The following SMAD3 variants were observed in gnomAD, a reference collection of about 807,000 sequenced individuals.
SMAD3 encodes the protein MAD homolog 3.
SMAD3 carries 12 observed loss-of-function variants against 51.8 expected under a neutral mutation model. The ratio of observed to expected loss-of-function variants is 0.23; its 90% CI spans 0.15 to 0.38. The LOEUF (loss-of-function observed/expected upper bound fraction) is 0.38. SMAD3 is among the 10% of genes least tolerant of loss of function. SMAD3 has a pLI of 1.00. For synonymous variants in SMAD3, 238 were observed against 227.7 expected (o/e 1.05, Z -0.41); for missense variants, 294 against 565.6 (o/e 0.52, Z 4.87).
At chr15:67,086,401 A>G (rs1960395061) in intron 1 of SMAD3, among the ~76,000 whole-genome samples, 1 of 152,172 alleles carries the variant, frequency 6.6e-6, no homozygotes, top group Admixed American at 6.5e-5. Context: ...ATCTGATGGG[A>G]CACATCTCTC....
chr15:67,145,298 C>T (rs1961945639), intron 1 of SMAD3, among the ~76,000 whole-genome samples: 1 of 152,166 alleles, frequency 6.6e-6, no homozygotes, highest in Admixed American at 6.5e-5. Flanking sequence ...ACTTGGGAAA[C>T]CCAGGCACTG....
intron 5 of SMAD3, among the ~76,000 whole-genome samples, chr15:67,176,070 G>A (rs532813946): frequency 6.6e-6 from 1 of 152,318 alleles, no homozygotes; most frequent in African/African-American, 2.4e-5. Context: ...GGGCATGGGG[G>A]TCTCTGTGCA....
Position 67,194,590 on chromosome 15 carries a change from A to G in SMAD3, c.*4054A>G, listed in dbSNP as rs1963454436. 1 of 231,890 alleles carries G rather than the reference A, an allele frequency of 4.3e-6. No individual in the cohort carries two copies. The allele number at this position is 231,890 out of a possible 1,614,324, so 14.4% of individuals were successfully genotyped here. On this transcript the variant is annotated 3_prime_UTR_variant, in exon 9 of 9. Coordinates refer to ENST00000327367, the MANE Select transcript of SMAD3 (RefSeq NM_005902.4). ...CTTAAAACCATTCAGACAGATAACTATTTAATTTTTTTTAAGAAAGTTGGA... is the reference window on the plus strand; with the variant it reads ...CTTAAAACCATTCAGACAGATAACTGTTTAATTTTTTTTAAGAAAGTTGGA...
chr15:67,117,020 A>G (rs1179804543), intron 1 of SMAD3, among the ~76,000 whole-genome samples: 2 of 152,158 alleles, frequency 1.3e-5, no homozygotes, highest in African/African-American at 4.8e-5. Flanking sequence ...CCCAGTTCTC[A>G]TAGCTCCCGG....
rs34305009 is a variant in SMAD3, at chr15:67,118,860, C to T, written c.207-46035C>T. ...GTTGCCTAACTTTTCCTCTTTGTGT[C>T]CCTTGAGCTCAGGGACATGCATCCC... On this transcript the variant is annotated intron_variant, in intron 1 of 8. Transcript: ENST00000327367. Among the ~76,000 whole-genome samples the T allele has an allele frequency of 4.3e-3, 650 of 152,278 alleles. 9 individuals carry two copies. Among genetic ancestry groups the T allele is most frequent in the South Asian group, 0.031 (150 of 4,828 alleles).
Position 67,193,594 on chromosome 15 carries a change from TAGAGG to T in SMAD3, c.*3061_*3065del, listed in dbSNP as rs1364456886. On this transcript the variant is annotated 3_prime_UTR_variant, in exon 9 of 9. Transcript: ENST00000327367. ...TAGACCTGACATTTTGAGACAAGCC[TAGAGG>T]AGTCAGGAGCAGGGACTTTGACTCT... 3 of 88,496 alleles carry T rather than the reference TAGAGG, an allele frequency of 3.4e-5. No individual in the cohort carries two copies. Among genetic ancestry groups the T allele is most frequent in the Non-Finnish European group, 6.1e-5 (3 of 49,172 alleles). 5.5% of individuals were successfully genotyped at this position (88,496 alleles called of 1,614,324 possible).
chr15:67,126,056 C>A, intron 1 of SMAD3: 1 of 709,398 alleles, frequency 1.4e-6, no homozygotes, highest in Non-Finnish European at 1.7e-6. Context: ...AAACTGTATG[C>A]TCGACACACA....
intron 1 of SMAD3, among the ~76,000 whole-genome samples, chr15:67,069,393 A>C (rs535966771): frequency 5.4e-4 from 82 of 152,298 alleles, no homozygotes; most frequent in African/African-American, 1.8e-3. Flanking sequence ...AGCTGCAGGT[A>C]TCTTCCTTGC....
chr15:67,142,199 A>ACCCCCCCC (rs549870512), intron 1 of SMAD3, among the ~76,000 whole-genome samples: 14 of 127,976 alleles, frequency 1.1e-4, no homozygotes, highest in East Asian at 7.3e-4. Context: ...TCCTCCCCAC[A>ACCCCCCCC]CCCCCCCCAC....
intron 1 of SMAD3, among the ~76,000 whole-genome samples, chr15:67,067,210 A>G (rs1378986801): frequency 1.3e-5 from 2 of 152,146 alleles, no homozygotes; most frequent in Non-Finnish European, 2.9e-5. Context: ...GCATTCCTGT[A>G]GAGCCTTCCT....
intron 1 of SMAD3, among the ~76,000 whole-genome samples, chr15:67,151,895 G>A (rs1962156476): frequency 6.6e-6 from 1 of 151,788 alleles, no homozygotes; most frequent in Non-Finnish European, 1.5e-5. Context: ...TACTATATAA[G>A]CATTCAATAT....
chr15:67,105,072 T>C (rs1173739435), intron 1 of SMAD3, among the ~76,000 whole-genome samples: 1 of 152,228 alleles, frequency 6.6e-6, no homozygotes, highest in African/African-American at 2.4e-5. Context: ...CAGGAGGCAC[T>C]GTTTGTCAGG....
chr15:67,162,946 GTGATGATGATGATGATGATGA>G (rs57597599), intron 1 of SMAD3, among the ~76,000 whole-genome samples: 1 of 145,348 alleles, frequency 6.9e-6, no homozygotes, highest in African/African-American at 2.6e-5. Flanking sequence ...GTAGGTTTCT[GTGATGATGATGATGATGATGA>G]TGATGATGAT....
At chr15:67,164,666 G>A (rs1285124791) in intron 1 of SMAD3, among the ~76,000 whole-genome samples, 1 of 152,230 alleles carries the variant, frequency 6.6e-6, no homozygotes, top group Non-Finnish European at 1.5e-5. Flanking sequence ...GGACTGGTGG[G>A]TGAGGCCCGC....
chr15:67,089,750 C>T (rs901409027), intron 1 of SMAD3, among the ~76,000 whole-genome samples: 3 of 152,226 alleles, frequency 2.0e-5, no homozygotes, highest in Non-Finnish European at 2.9e-5. Context: ...CTTTCCCACA[C>T]GTCATTTCGT....
chr15:67,125,543 A>C (rs899461829), intron 1 of SMAD3, among the ~76,000 whole-genome samples: 5 of 152,212 alleles, frequency 3.3e-5, no homozygotes, highest in African/African-American at 1.2e-4. Context: ...GAATGATAGG[A>C]GTTAACCACT....
intron 3 of SMAD3, 88 bp downstream of exon 3, chr15:67,165,472 C>G (rs1349523575): frequency 3.3e-6 from 5 of 1,499,864 alleles, no homozygotes; most frequent in Non-Finnish European, 2.7e-6. Context: ...TCTCTGCCCC[C>G]TGGCCGTCCC....
intron 7 of SMAD3, among the ~76,000 whole-genome samples, chr15:67,186,393 T>C (rs1963223004): frequency 6.6e-6 from 1 of 152,198 alleles, no homozygotes; most frequent in South Asian, 2.1e-4. Context: ...GTGGTGTTGT[T>C]TGTCAGCTCA....
chr15:67,173,414 G>T (rs1487704945), intron 5 of SMAD3, among the ~76,000 whole-genome samples: 1 of 152,098 alleles, frequency 6.6e-6, no homozygotes, highest in African/African-American at 2.4e-5. Flanking sequence ...TGTGTGAGCG[G>T]GCCCTTGAAG....
Sources: gnomAD v4.1 joint callset for allele counts (sites outside exome capture counted in the v4.1 genomes callset) on GRCh38, gnomAD v4.1.1 for gene constraint, MANE v1.5 for transcripts, NCBI Gene and HGNC (gene_info 2026-07-23, HGNC 2026-07-21) for gene names.